The following ZFAND1 variants were observed in gnomAD, a reference collection of about 807,000 sequenced individuals.
The protein encoded by ZFAND1 is zinc finger AN1-type containing 1, also known as AN1-type zinc finger protein 1.
Under a neutral mutation model 38.5 loss-of-function variants are expected in ZFAND1, and 40 were observed. The observed-to-expected ratio is 1.04, with a 90% confidence interval of 0.81 to 1.35. ZFAND1 has a LOEUF of 1.35. ZFAND1 is among the 40% of genes most tolerant of loss of function. The pLI is 0.00. For synonymous variants in ZFAND1, 117 were observed against 103.6 expected, an observed-to-expected ratio of 1.13 and a Z score of -0.78; for missense variants, 346 against 316.3, an observed-to-expected ratio of 1.09 and a Z score of -0.71.
intron 6 of ZFAND1, among the ~76,000 whole-genome samples, chr8:81,709,660 C>T (rs1808079875): frequency 6.6e-6 from 1 of 151,650 alleles, no homozygotes; most frequent in South Asian, 2.1e-4. Flanking sequence ...CATAAGACAC[C>T]CACATATATC....
At chr8:81,715,632 A>G (rs1423208153) in intron 3 of ZFAND1, among the ~76,000 whole-genome samples, 1 of 152,036 alleles carries the variant, frequency 6.6e-6, no homozygotes, top group East Asian at 1.9e-4. Context: ...CACTACAGGA[A>G]GAAAGATTTT....
chr8:81,708,484 A>ATAAGTT (rs1248322541), intron 6 of ZFAND1, among the ~76,000 whole-genome samples: 1 of 152,168 alleles, frequency 6.6e-6, no homozygotes, highest in Non-Finnish European at 1.5e-5. Flanking sequence ...AGGAGCTCCT[A>ATAAGTT]TAAGTTGACC....
rs1014057246 is a variant in ZFAND1 at position 81,712,712 on chromosome 8, A to G, written c.480+1206T>C. On this transcript the variant is annotated intron_variant, in intron 6 of 7. Transcript: ENST00000220669. ...GGTTACTTCTATAATTACACATAAAAGGAAACCTTAAGAAAAGTTGGGAAG... is the reference window on the plus strand; with the variant it reads ...GGTTACTTCTATAATTACACATAAAGGGAAACCTTAAGAAAAGTTGGGAAG... Among the ~76,000 whole-genome samples, 5 of 152,204 alleles carry G rather than the reference A, an allele frequency of 3.3e-5. No homozygotes were observed. In the East Asian group the frequency reaches 7.7e-4, roughly 23 times the overall value.
chr8:81,711,756 T>C (rs1808145994), intron 6 of ZFAND1, among the ~76,000 whole-genome samples: 1 of 107,886 alleles, frequency 9.3e-6, no homozygotes. Context: ...CTGAAAAATC[T>C]ACATCAAACA....
chr8:81,714,579 CAA>C (rs1695198310), intron 5 of ZFAND1: 3 of 473,252 alleles, frequency 6.3e-6, no homozygotes, highest in African/African-American at 3.9e-5. Context: ...AGTGGCTCAG[CAA>C]AAGAGATAAG....
chr8:81,703,965 T>G (rs1321033929), intron 6 of ZFAND1, among the ~76,000 whole-genome samples: 1 of 152,222 alleles, frequency 6.6e-6, no homozygotes, highest in Non-Finnish European at 1.5e-5. Context: ...GAAAAAAGTT[T>G]GTTTTGATTT....
chr8:81,715,250 A>G, intron 3 of ZFAND1, 136 bp from the exon 4 acceptor site: 2 of 856,568 alleles, frequency 2.3e-6, no homozygotes, highest in East Asian at 5.3e-5. Flanking sequence ...AAAGATTATA[A>G]AGAATGTTTT....
intron 6 of ZFAND1, among the ~76,000 whole-genome samples, chr8:81,710,521 T>C (rs1001681626): frequency 1.3e-5 from 2 of 151,966 alleles, no homozygotes; most frequent in Non-Finnish European, 2.9e-5. Context: ...TATGTTCAAA[T>C]ACACCAATGA....
rs1322539611 is a variant in ZFAND1, at chr8:81,701,433, A to T, written c.*1262T>A. The T allele has an allele frequency of 6.7e-6, 1 of 149,618 alleles. No individual in the cohort carries two copies. The highest frequency in any genetic ancestry group is 2.2e-4 in the East Asian group (1 of 4,602). 9.3% of individuals were successfully genotyped at this position (149,618 alleles called of 1,614,324 possible). On this transcript the variant is annotated 3_prime_UTR_variant, in exon 8 of 8. Coordinates refer to ENST00000220669, the MANE Select transcript of ZFAND1 (RefSeq NM_024699.3). The stretch of plus-strand genomic sequence containing the variant: ...ATAGACTATAGTATAGTGTAAACAT[A>T]ATTTTTATATGCCCTGGGAAACAAA...
chr8:81,718,340 G>A lies in ZFAND1; in HGVS notation c.56-116C>T. The stretch of plus-strand genomic sequence containing the variant: ...CCATTTTGACTAATATCCTAGTGTA[G>A]CAAGCACTATGTAACCACTCTAACA... On this transcript the variant is annotated intron_variant, in intron 1 of 7. Coordinates refer to ENST00000220669, the MANE Select transcript of ZFAND1 (RefSeq NM_024699.3). 4.3e-6 allele frequency: 3 copies of A among 690,132 alleles called. No homozygotes were observed. In the South Asian group the frequency reaches 8.2e-5, roughly 19 times the overall value. The allele number at this position is 690,132 out of a possible 1,614,324, so 42.8% of individuals were successfully genotyped here.
chr8:81,705,980 G>A (rs1807968352), intron 6 of ZFAND1, among the ~76,000 whole-genome samples: 1 of 152,134 alleles, frequency 6.6e-6, no homozygotes, highest in Non-Finnish European at 1.5e-5. Flanking sequence ...CAGAAAAGAA[G>A]AAATGGTGAA....
chr8:81,712,284 T>C (rs548128277), intron 6 of ZFAND1, among the ~76,000 whole-genome samples: 5 of 152,284 alleles, frequency 3.3e-5, no homozygotes, highest in East Asian at 1.9e-4. Flanking sequence ...GTATATCTAA[T>C]ACTTGATGAA....
rs545331405 is a variant in ZFAND1 at position 81,701,567 on chromosome 8, T to A, written c.*1128A>T. 6.6e-6 allele frequency: 1 copy of A among 152,344 alleles called. No homozygotes were observed. Among genetic ancestry groups the A allele is most frequent in the Non-Finnish European group, 1.5e-5 (1 of 68,014 alleles). The allele number at this position is 152,344 out of a possible 1,614,324, so 9.4% of individuals were successfully genotyped here. The stretch of plus-strand genomic sequence containing the variant: ...CCTGTATGTATACATATCATCATTG[T>A]ATTAATCATGGCAATTAGGACAAAT... On this transcript the variant is annotated 3_prime_UTR_variant, in exon 8 of 8. Coordinates refer to ENST00000220669, the MANE Select transcript of ZFAND1 (RefSeq NM_024699.3).
chr8:81,703,250 G>C (rs1807867461), intron 6 of ZFAND1, 126 bp from the exon 7 acceptor site: 2 of 599,706 alleles, frequency 3.3e-6, no homozygotes, highest in South Asian at 8.9e-5. Context: ...TCTGCTACTT[G>C]GAATACCAAT....
intron 6 of ZFAND1, among the ~76,000 whole-genome samples, chr8:81,704,060 T>C (rs1279635355): frequency 6.6e-6 from 1 of 151,640 alleles, no homozygotes; most frequent in African/African-American, 2.4e-5. Flanking sequence ...AAGACCTCAC[T>C]ATGTATTTAG....
chr8:81,712,475 C>T (rs989521902), intron 6 of ZFAND1, among the ~76,000 whole-genome samples: 4 of 151,960 alleles, frequency 2.6e-5, no homozygotes, highest in African/African-American at 9.7e-5. Flanking sequence ...TATGACTACA[C>T]AGAAAATAGC....
chr8:81,708,153 G>C (rs1211812668), intron 6 of ZFAND1, among the ~76,000 whole-genome samples: 1 of 151,682 alleles, frequency 6.6e-6, no homozygotes, highest in Non-Finnish European at 1.5e-5. Flanking sequence ...AGGAGGCTGA[G>C]GCAGGAGAAT....
At chr8:81,710,859 C>A (rs73694730) in intron 6 of ZFAND1, among the ~76,000 whole-genome samples, 6 of 152,116 alleles carry the variant, frequency 3.9e-5, no homozygotes, top group African/African-American at 1.4e-4. Context: ...AAAAACACAT[C>A]CATAGTAGGA....
intron 6 of ZFAND1, among the ~76,000 whole-genome samples, chr8:81,710,320 A>G (rs1368549145): frequency 6.6e-6 from 1 of 152,250 alleles, no homozygotes; most frequent in Non-Finnish European, 1.5e-5. Flanking sequence ...TACTTGTTAA[A>G]AGCTTATACT....
Sources: gnomAD v4.1 joint callset for allele counts (sites outside exome capture counted in the v4.1 genomes callset) on GRCh38, gnomAD v4.1.1 for gene constraint, MANE v1.5 for transcripts, NCBI Gene and HGNC (gene_info 2026-07-23, HGNC 2026-07-21) for gene names.